Variants in ARIH2 observed in about 807,000 individuals in gnomAD.
The protein encoded by ARIH2 is ariadne RBR E3 ubiquitin protein ligase 2.
ARIH2 carries 12 observed loss-of-function variants against 79.8 expected under a neutral mutation model. The observed-to-expected ratio is 0.15, with a 90% CI of 0.10 to 0.24. ARIH2 has a LOEUF of 0.24. Among genes scored for constraint, ARIH2 ranks in the 10% least tolerant of loss-of-function variants. The probability of loss-of-function intolerance (pLI) is 1.00; values close to 1 mark genes in which losing one functional copy is unlikely to be tolerated. For missense variants in ARIH2, 301 were observed against 618.3 expected, an observed-to-expected ratio of 0.49 and a Z score of 5.44; for synonymous variants, 224 against 213.9, an observed-to-expected ratio of 1.05 and a Z score of -0.41.
intron 3 of ARIH2, among the ~76,000 whole-genome samples, chr3:48,936,797 A>G (rs1421366279): frequency 3.9e-5 from 6 of 152,000 alleles, no homozygotes; most frequent in Admixed American, 6.6e-5. Context: ...TGAGAGGCCA[A>G]GGCGGGCGGA....
chr3:48,949,471 G>A (rs1445023097), intron 3 of ARIH2, among the ~76,000 whole-genome samples: 2 of 152,178 alleles, frequency 1.3e-5, no homozygotes, highest in Non-Finnish European at 2.9e-5. Context: ...ATTCCCACTA[G>A]CATTATGTAA....
chr3:48,980,189 G>C (rs1415801295), intron 12 of ARIH2, 164 bp from the exon 13 acceptor site: 8 of 686,018 alleles, frequency 1.2e-5, no homozygotes, highest in Admixed American at 2.6e-5. Context: ...CTCTGGACAG[G>C]TTAGAAGGAT....
chr3:48,979,687 C>T (rs1384382185), intron 12 of ARIH2, 54 bp downstream of exon 12: 5 of 1,592,876 alleles, frequency 3.1e-6, no homozygotes, highest in Non-Finnish European at 3.4e-6. Flanking sequence ...TCCACTTGGC[C>T]TGCTGGTGGG....
chr3:48,945,634 G>C (rs1329216371), intron 3 of ARIH2, among the ~76,000 whole-genome samples: 1 of 152,064 alleles, frequency 6.6e-6, no homozygotes, highest in Non-Finnish European at 1.5e-5. Context: ...AGTTCTTTGT[G>C]GTCAGGGGAC....
intron 3 of ARIH2, among the ~76,000 whole-genome samples, chr3:48,928,481 G>C (rs1024668611): frequency 2.6e-5 from 4 of 152,126 alleles, no homozygotes; most frequent in African/African-American, 9.7e-5. Context: ...CATTTTGACA[G>C]TTTCCCAACA....
chr3:48,962,930 A>T (rs751098022), intron 4 of ARIH2, among the ~76,000 whole-genome samples: 21 of 151,906 alleles, frequency 1.4e-4, no homozygotes, highest in Non-Finnish European at 2.2e-4. Context: ...GTGCAGTGGC[A>T]CAACCTTGGC....
At chr3:48,955,113 A>T (rs1283895232) in intron 3 of ARIH2, among the ~76,000 whole-genome samples, 1 of 152,274 alleles carries the variant, frequency 6.6e-6, no homozygotes, top group South Asian at 2.1e-4. Context: ...CAGGAGAATC[A>T]CTTGAACCCG....
intron 2 of ARIH2, among the ~76,000 whole-genome samples, chr3:48,925,577 G>A (rs1489087066): frequency 6.6e-6 from 1 of 151,682 alleles, no homozygotes; most frequent in African/African-American, 2.4e-5. Flanking sequence ...TTAGATTATG[G>A]TTGGTTGTTT....
At chr3:48,968,451 T>G (rs1300800759) in intron 6 of ARIH2, 83 bp from the exon 7 acceptor site, 1 of 1,398,984 alleles carries the variant, frequency 7.1e-7, no homozygotes, top group Admixed American at 1.7e-5. Context: ...TCAGGTGATC[T>G]GCCTGCCTTG....
intron 7 of ARIH2, among the ~76,000 whole-genome samples, 152 bp from the exon 8 acceptor site, chr3:48,970,441 TAC>T (rs1340767943): frequency 6.6e-6 from 1 of 152,242 alleles, no homozygotes; most frequent in Non-Finnish European, 1.5e-5. Flanking sequence ...ATATCTGGCT[TAC>T]GTTTGGTCTT....
At chr3:48,947,808 A>G (rs962503780) in intron 3 of ARIH2, among the ~76,000 whole-genome samples, 2 of 152,216 alleles carry the variant, frequency 1.3e-5, no homozygotes, top group African/African-American at 2.4e-5. Context: ...TTCATATACT[A>G]TACCATCTAG....
intron 3 of ARIH2, among the ~76,000 whole-genome samples, chr3:48,959,732 A>T (rs1004502402): frequency 1.3e-5 from 2 of 152,040 alleles, no homozygotes; most frequent in Non-Finnish European, 2.9e-5. Flanking sequence ...CTTGGAAGGA[A>T]AATAGAGACC....
intron 4 of ARIH2, among the ~76,000 whole-genome samples, chr3:48,963,114 ACATAC>A: frequency 6.6e-6 from 1 of 152,298 alleles, no homozygotes; most frequent in East Asian, 1.9e-4. Flanking sequence ...ACTGGGAAGG[ACATAC>A]CAGCTGGAGC....
chr3:48,938,913 C>CAAAAAAAA (rs1158929356), intron 3 of ARIH2, among the ~76,000 whole-genome samples: 3 of 54,390 alleles, frequency 5.5e-5, no homozygotes, highest in Non-Finnish European at 1.0e-4. Context: ...GTCTTTAGAC[C>CAAAAAAAA]AAAAAAAAAA....
At chr3:48,935,115 C>G (rs1276172049) in intron 3 of ARIH2, among the ~76,000 whole-genome samples, 1 of 152,138 alleles carries the variant, frequency 6.6e-6, no homozygotes, top group Non-Finnish European at 1.5e-5. Flanking sequence ...CAGCTCTTGT[C>G]CATATTCATA....
rs542262232 is a variant in ARIH2, at chr3:48,920,290, A to T, written c.-162+1292A>T. Among the ~76,000 whole-genome samples, 26 of 151,576 alleles carry T rather than the reference A, an allele frequency of 1.7e-4. No individual in the cohort carries two copies. The East Asian group carries it at 2.9e-3, about 17-fold the overall frequency. ...GCCACTGTGCATGACCTTTAAAAAAATTTTTTTTGAAAAAGTGCCCGGCCC... is the reference window on the plus strand; with the variant it reads ...GCCACTGTGCATGACCTTTAAAAAATTTTTTTTTGAAAAAGTGCCCGGCCC... On this transcript the variant is annotated intron_variant, in intron 1 of 15. Coordinates refer to ENST00000356401, the MANE Select transcript of ARIH2 (RefSeq NM_006321.4).
intron 5 of ARIH2, among the ~76,000 whole-genome samples, chr3:48,966,136 TTATC>T (rs1297361501): frequency 6.6e-6 from 1 of 152,200 alleles, no homozygotes; most frequent in African/African-American, 2.4e-5. Flanking sequence ...AATTTCCTGT[TTATC>T]TAGGAGCTAA....
intron 1 of ARIH2, among the ~76,000 whole-genome samples, chr3:48,919,974 A>ATTT (rs768780567): frequency 7.4e-6 from 1 of 135,510 alleles, no homozygotes. Context: ...TCTGGAGGAA[A>ATTT]TTTTTTTTTT....
At chr3:48,956,439 CTTTTTTT>C (rs34693818) in intron 3 of ARIH2, among the ~76,000 whole-genome samples, 485 of 36,190 alleles carry the variant, frequency 0.013, no homozygotes, top group South Asian at 0.025. Flanking sequence ...GCGCCCGGCA[CTTTTTTT>C]TTTTTTTTTT....
Sources: gnomAD v4.1 joint callset for allele counts (sites outside exome capture counted in the v4.1 genomes callset) on GRCh38, gnomAD v4.1.1 for gene constraint, MANE v1.5 for transcripts, NCBI Gene and HGNC (gene_info 2026-07-23, HGNC 2026-07-21) for gene names.